PRKG1: variants seen among roughly 807,000 people sequenced by gnomAD.
The protein encoded by PRKG1 is protein kinase cGMP-dependent 1.
In PRKG1, 35 loss-of-function variants were observed where a neutral mutation model predicts 88.1. The observed-to-expected ratio is 0.40, with a 90% confidence interval of 0.30 to 0.53. The LOEUF is 0.53. Among genes scored for constraint, PRKG1 ranks in the 20% least tolerant of loss-of-function variants. The probability of loss-of-function intolerance (pLI) is 0.59; values close to 1 mark genes in which losing one functional copy is unlikely to be tolerated. For missense variants in PRKG1, 540 were observed against 839.8 expected (o/e 0.64, Z 4.41); for synonymous variants, 303 against 292.5 (o/e 1.04, Z -0.37).
chr10:51,459,333 CT>C (rs1839680338), intron 2 of PRKG1, among the ~76,000 whole-genome samples: 1 of 152,088 alleles, frequency 6.6e-6, no homozygotes, highest in African/African-American at 2.4e-5. Context: ...TTTACCAAGT[CT>C]TTCAGTCTCT....
At chr10:51,177,975 A>G (rs1463306464) in intron 2 of PRKG1, among the ~76,000 whole-genome samples, 1 of 152,136 alleles carries the variant, frequency 6.6e-6, no homozygotes. Context: ...ATAAGCTAAC[A>G]TTGCTATATT....
rs369648461 is a variant in PRKG1 at position 51,728,840 on chromosome 10, C to T, written c.593-75745C>T. ...AAGTTGCCAGTGTGTCACAAGTCAA[C>T]ATGCAGGCAAAGATGGAAACATTTT... On this transcript the variant is annotated intron_variant, in intron 3 of 17. Transcript: ENST00000373980. Among the ~76,000 whole-genome samples, 5 of 152,306 alleles carry T rather than the reference C, an allele frequency of 3.3e-5. No homozygotes were observed. The East Asian group carries it at 5.8e-4, about 18-fold the overall frequency.
intron 2 of PRKG1, among the ~76,000 whole-genome samples, chr10:51,307,335 A>C (rs541283498): frequency 1.3e-5 from 2 of 152,196 alleles, no homozygotes; most frequent in South Asian, 2.1e-4. Flanking sequence ...GTAGAAAAAG[A>C]AGCTGAGAAG....
intron 3 of PRKG1, among the ~76,000 whole-genome samples, chr10:51,684,487 T>C (rs1268098511): frequency 2.0e-5 from 3 of 152,070 alleles, no homozygotes; most frequent in Non-Finnish European, 2.9e-5. Context: ...AATTTATATG[T>C]TGATAAAAAT....
chr10:51,940,714 C>G (rs1400001661), intron 5 of PRKG1, among the ~76,000 whole-genome samples: 1 of 151,794 alleles, frequency 6.6e-6, no homozygotes, highest in African/African-American at 2.4e-5. Flanking sequence ...CCTTCAAGCA[C>G]CACTTCTCTT....
chr10:51,493,925 T>C (rs1030263010), intron 3 of PRKG1, among the ~76,000 whole-genome samples: 1 of 152,192 alleles, frequency 6.6e-6, no homozygotes, highest in African/African-American at 2.4e-5. Context: ...ACAGGGACTA[T>C]AGATTTCAGG....
chr10:52,078,003 G>A (rs1904029), intron 7 of PRKG1, among the ~76,000 whole-genome samples: 46,640 of 151,974 alleles, frequency 0.31, 7,787 homozygotes, highest in Non-Finnish European at 0.39. Context: ...GTTGTCTGCC[G>A]CCCAGATGGC....
intron 9 of PRKG1, among the ~76,000 whole-genome samples, chr10:52,239,234 G>A (rs1159710756): frequency 7.2e-6 from 1 of 139,694 alleles, no homozygotes; most frequent in African/African-American, 2.6e-5. Context: ...TGACAAGTTA[G>A]TGGGTGCAGC....
At chr10:52,068,157 C>T (rs1846402843) in intron 7 of PRKG1, among the ~76,000 whole-genome samples, 3 of 97,560 alleles carry the variant, frequency 3.1e-5, no homozygotes, top group African/African-American at 5.9e-5. Flanking sequence ...GAGTCGAGAT[C>T]GCGCCACTGC....
intron 9 of PRKG1, among the ~76,000 whole-genome samples, chr10:52,244,783 T>TATATATTTAG (rs1169190790): frequency 1.6e-5 from 2 of 125,638 alleles, no homozygotes; most frequent in Admixed American, 9.6e-5. Flanking sequence ...TATACCTTAA[T>TATATATTTAG]ATATATTTAA....
intron 2 of PRKG1, among the ~76,000 whole-genome samples, chr10:51,201,518 G>A (rs1837913053): frequency 6.6e-6 from 1 of 152,148 alleles, no homozygotes; most frequent in Admixed American, 6.6e-5. Context: ...TTTTATTTGT[G>A]TTTGTTCATT....
intron 2 of PRKG1, among the ~76,000 whole-genome samples, chr10:51,290,716 G>A (rs1435067202): frequency 6.6e-6 from 1 of 152,068 alleles, no homozygotes; most frequent in Non-Finnish European, 1.5e-5. Flanking sequence ...GATTATGTGG[G>A]CAGTCTACCA....
chr10:52,242,821 A>G (rs1840901613), intron 9 of PRKG1, among the ~76,000 whole-genome samples: 1 of 152,024 alleles, frequency 6.6e-6, no homozygotes, highest in Admixed American at 6.6e-5. Flanking sequence ...ACTTGAACCC[A>G]GGAGGTAGAG....
intron 9 of PRKG1, among the ~76,000 whole-genome samples, chr10:52,248,034 A>G (rs1841069135): frequency 6.6e-6 from 1 of 152,262 alleles, no homozygotes. Flanking sequence ...GGGCCAAATT[A>G]AAGAAATACG....
intron 5 of PRKG1, among the ~76,000 whole-genome samples, chr10:52,021,056 T>A (rs1845171329): frequency 6.6e-6 from 1 of 152,114 alleles, no homozygotes; most frequent in South Asian, 2.1e-4. Flanking sequence ...CTCATGCCTG[T>A]CTAACTACCT....
At chr10:51,888,257 C>T (rs903451516) in intron 4 of PRKG1, among the ~76,000 whole-genome samples, 2 of 152,082 alleles carry the variant, frequency 1.3e-5, no homozygotes, top group African/African-American at 2.4e-5. Flanking sequence ...GAATGTTGGC[C>T]AATAATGACA....
chr10:51,749,074 A>G (rs890001565), intron 3 of PRKG1, among the ~76,000 whole-genome samples: 34 of 152,216 alleles, frequency 2.2e-4, no homozygotes, highest in African/African-American at 7.2e-4. Context: ...CCTGCTTTCC[A>G]TTAGTTGGGA....
chr10:51,581,542 A>AT (rs1838035527), intron 3 of PRKG1, among the ~76,000 whole-genome samples: 1 of 152,048 alleles, frequency 6.6e-6, no homozygotes, highest in African/African-American at 2.4e-5. Flanking sequence ...AGCTATGAAC[A>AT]TCTGCTTTTC....
At chr10:51,277,921 T>C (rs1421597311) in intron 2 of PRKG1, among the ~76,000 whole-genome samples, 1 of 152,206 alleles carries the variant, frequency 6.6e-6, no homozygotes, top group Non-Finnish European at 1.5e-5. Context: ...TGACTTCCTC[T>C]TTTCCTAATT....
Sources: gnomAD v4.1 joint callset for allele counts (sites outside exome capture counted in the v4.1 genomes callset) on GRCh38, gnomAD v4.1.1 for gene constraint, MANE v1.5 for transcripts, NCBI Gene and HGNC (gene_info 2026-07-23, HGNC 2026-07-21) for gene names.